Variants in TRPM3 observed in about 807,000 individuals in gnomAD.
TRPM3 encodes the protein transient receptor potential cation channel subfamily M member 3.
A neutral mutation model predicts 181.2 loss-of-function variants in TRPM3; 77 were observed. The observed-to-expected ratio is 0.42, with a 90% confidence interval of 0.35 to 0.51. TRPM3 has a LOEUF of 0.51. Ranked by LOEUF, TRPM3 falls within the 20% of genes least tolerant of loss-of-function variation. The pLI is 0.01. For synonymous variants in TRPM3, 745 were observed against 796.4 expected (o/e 0.94, Z 1.09); for missense variants, 1,759 against 2,196.7 (o/e 0.80, Z 3.98).
chr9:71,059,048 C>T (rs1225967307), intron 1 of TRPM3, among the ~76,000 whole-genome samples: 1 of 53,256 alleles, frequency 1.9e-5, no homozygotes, highest in African/African-American at 5.5e-5. Context: ...TTTTACCAGT[C>T]ACTATTAATC....
intron 20 of TRPM3, among the ~76,000 whole-genome samples, chr9:70,600,824 C>T (rs1185892799): frequency 6.6e-6 from 1 of 152,194 alleles, no homozygotes; most frequent in Non-Finnish European, 1.5e-5. Context: ...TTTTCCAACC[C>T]TTTGCTCACA....
chr9:71,324,714 C>T (rs184602284), intron 1 of TRPM3, among the ~76,000 whole-genome samples: 1 of 152,022 alleles, frequency 6.6e-6, no homozygotes, highest in Admixed American at 6.6e-5. Flanking sequence ...ATGGAACCAA[C>T]CTAAGTGTCG....
At position 70,842,994 on chromosome 9, in the gene TRPM3, A is replaced by C; in HGVS notation, c.801+9T>G. 6.2e-7 allele frequency: 1 copy of C among 1,613,172 alleles called. No homozygotes were observed. The highest frequency in any genetic ancestry group is 8.5e-7 in the Non-Finnish European group (1 of 1,179,654). ...GAAGTCATGGAAAGCGACAGCACTC[A>C]GGACTTACATCTCTTCCAATGAGGT... is the stretch of plus-strand genomic sequence containing the variant. On this transcript the variant is annotated intron_variant, in intron 5 of 25. Coordinates refer to ENST00000677713, the MANE Select transcript of TRPM3 (RefSeq NM_001366145.2).
chr9:71,380,358 G>A (rs2092770572), intron 1 of TRPM3, among the ~76,000 whole-genome samples: 1 of 152,020 alleles, frequency 6.6e-6, no homozygotes, highest in South Asian at 2.1e-4. Flanking sequence ...TTGCGAGGAA[G>A]TATGCATGCT....
At chr9:71,325,716 G>A (rs967712003) in intron 1 of TRPM3, among the ~76,000 whole-genome samples, 4 of 151,848 alleles carry the variant, frequency 2.6e-5, no homozygotes, top group Non-Finnish European at 4.4e-5. Context: ...TCTTCTCAAC[G>A]ATCCTGACAA....
intron 20 of TRPM3, among the ~76,000 whole-genome samples, chr9:70,601,745 G>C (rs991755528): frequency 1.2e-4 from 18 of 152,176 alleles, no homozygotes; most frequent in Non-Finnish European, 2.5e-4. Flanking sequence ...CTGGCAGCCT[G>C]CCCGTTTGGC....
intron 1 of TRPM3, among the ~76,000 whole-genome samples, chr9:71,291,354 C>A (rs540354981): frequency 2.0e-5 from 3 of 152,114 alleles, no homozygotes; most frequent in African/African-American, 7.2e-5. Flanking sequence ...TAACCTTTCT[C>A]CTTTCTCATA....
At chr9:71,267,133 C>A (rs571086175) in intron 1 of TRPM3, among the ~76,000 whole-genome samples, 176 of 152,182 alleles carry the variant, frequency 1.2e-3, no homozygotes, top group Middle Eastern at 3.4e-3. Flanking sequence ...TCACCTCCTG[C>A]CCCCTTCCTA....
At chr9:70,543,117 T>C (rs574804425) in intron 25 of TRPM3, among the ~76,000 whole-genome samples, 1 of 152,352 alleles carries the variant, frequency 6.6e-6, no homozygotes, top group South Asian at 2.1e-4. Flanking sequence ...ATATTACTTA[T>C]GAATTTTATA....
intron 1 of TRPM3, among the ~76,000 whole-genome samples, chr9:70,962,903 A>G (rs1379823441): frequency 6.6e-6 from 1 of 152,146 alleles, no homozygotes; most frequent in Non-Finnish European, 1.5e-5. Context: ...TCTGGAACAT[A>G]ATATGTCCTT....
At chr9:70,701,834 G>A (rs138162619) in intron 8 of TRPM3, among the ~76,000 whole-genome samples, 1 of 152,050 alleles carries the variant, frequency 6.6e-6, no homozygotes, top group Non-Finnish European at 1.5e-5. Flanking sequence ...AGTGTCCACC[G>A]CTCCTCTAAG....
intron 1 of TRPM3, among the ~76,000 whole-genome samples, chr9:70,884,502 T>C (rs1395019470): frequency 6.6e-6 from 1 of 152,196 alleles, no homozygotes; most frequent in African/African-American, 2.4e-5. Context: ...TGGGGCAAAG[T>C]GTGCGTGTGT....
chr9:70,630,949 A>AT (rs11457281), intron 12 of TRPM3, among the ~76,000 whole-genome samples: 17,983 of 152,226 alleles, frequency 0.12, 1,150 homozygotes, highest in East Asian at 0.23. Flanking sequence ...GGTTTTTCAG[A>AT]TGTCAGCTCA....
chr9:70,646,568 G>C (rs1362718674), intron 9 of TRPM3, among the ~76,000 whole-genome samples: 5 of 152,068 alleles, frequency 3.3e-5, no homozygotes, highest in African/African-American at 4.8e-5. Flanking sequence ...GGGCCTGTTA[G>C]GGGGTGAGGG....
At chr9:71,138,368 C>T (rs1438193275) in intron 1 of TRPM3, among the ~76,000 whole-genome samples, 1 of 152,034 alleles carries the variant, frequency 6.6e-6, no homozygotes, top group East Asian at 1.9e-4. Flanking sequence ...AGAGATGATC[C>T]CGTGCATACG....
chr9:70,845,476 G>A (rs1399100490), intron 4 of TRPM3, among the ~76,000 whole-genome samples: 1 of 152,096 alleles, frequency 6.6e-6, no homozygotes, highest in African/African-American at 2.4e-5. Flanking sequence ...CTGATCTCAG[G>A]TGATCCCCCT....
At chr9:70,906,652 C>T (rs2096468036) in intron 1 of TRPM3, among the ~76,000 whole-genome samples, 2 of 152,178 alleles carry the variant, frequency 1.3e-5, no homozygotes, top group Non-Finnish European at 2.9e-5. Flanking sequence ...CCTGTAATCC[C>T]AGCACTTTGA....
At chr9:71,386,059 G>A (rs558774434) in intron 1 of TRPM3, among the ~76,000 whole-genome samples, 2 of 152,244 alleles carry the variant, frequency 1.3e-5, no homozygotes, top group South Asian at 2.1e-4. Flanking sequence ...CTGGTTGGAC[G>A]TGGAAGTGGC....
At chr9:71,065,334 G>C (rs2061790848) in intron 1 of TRPM3, among the ~76,000 whole-genome samples, 1 of 152,108 alleles carries the variant, frequency 6.6e-6, no homozygotes, top group Non-Finnish European at 1.5e-5. Context: ...TTTCTATGAA[G>C]CTCTGTTCTT....
Sources: allele counts gnomAD v4.1 joint callset (sites outside exome capture counted in the v4.1 genomes callset), GRCh38; gene constraint gnomAD v4.1.1; transcripts MANE v1.5; gene names NCBI Gene and HGNC (gene_info 2026-07-23, HGNC 2026-07-21).